Variants in HS3ST5 observed in about 807,000 individuals in gnomAD.
The protein encoded by HS3ST5 is heparan sulfate glucosamine 3-O-sulfotransferase 5.
A neutral mutation model predicts 25.4 loss-of-function variants in HS3ST5; 10 were observed. The ratio of observed to expected loss-of-function variants is 0.39; its 90% CI spans 0.24 to 0.67. The LOEUF is 0.67. HS3ST5 is among the 30% of genes least tolerant of loss of function. HS3ST5 has a pLI of 0.44. For synonymous variants in HS3ST5, 170 were observed against 162.4 expected (o/e 1.05, Z -0.36); for missense variants, 324 against 420.7 (o/e 0.77, Z 2.01).
chr6:114,096,987 A>G (rs1775462704), intron 3 of HS3ST5, among the ~76,000 whole-genome samples: 1 of 152,120 alleles, frequency 6.6e-6, no homozygotes, highest in Non-Finnish European at 1.5e-5. Flanking sequence ...CACCTGATAA[A>G]GAAAGGAATA....
intron 3 of HS3ST5, among the ~76,000 whole-genome samples, chr6:114,067,038 C>T (rs1297687790): frequency 2.0e-5 from 3 of 152,324 alleles, no homozygotes; most frequent in South Asian, 2.1e-4. Context: ...TCAGCCCCTG[C>T]ACTGTTCTCC....
At chr6:114,260,888 G>A (rs1237593582) in intron 1 of HS3ST5, among the ~76,000 whole-genome samples, 1 of 152,048 alleles carries the variant, frequency 6.6e-6, no homozygotes, top group Non-Finnish European at 1.5e-5. Context: ...ACATTAGGTA[G>A]GTCCTAAACT....
intron 1 of HS3ST5, among the ~76,000 whole-genome samples, chr6:114,336,001 G>T (rs1399483164): frequency 2.6e-5 from 4 of 152,078 alleles, no homozygotes; most frequent in Admixed American, 6.5e-5. Flanking sequence ...TTTAAATCTG[G>T]TATTACTTTA....
At chr6:114,084,040 T>C (rs1774622661) in intron 3 of HS3ST5, 1 of 565,206 alleles carries the variant, frequency 1.8e-6, no homozygotes, top group African/African-American at 1.9e-5. Flanking sequence ...TACAAACACT[T>C]GGTCTTTTTT....
intron 1 of HS3ST5, among the ~76,000 whole-genome samples, chr6:114,276,940 T>C (rs1418388444): frequency 6.6e-6 from 1 of 152,014 alleles, no homozygotes; most frequent in Non-Finnish European, 1.5e-5. Context: ...TGTTGGAAGA[T>C]ATTATGATCA....
chr6:114,119,591 T>C (rs1200240877), intron 3 of HS3ST5, among the ~76,000 whole-genome samples: 1 of 152,180 alleles, frequency 6.6e-6, no homozygotes, highest in Non-Finnish European at 1.5e-5. Flanking sequence ...GAGAAGCGAA[T>C]ATGAAAGATT....
rs1439705834 is a variant in HS3ST5 at position 114,261,628 on chromosome 6, TCTTA to T, written c.-338-32854_-338-32851del. Among the ~76,000 whole-genome samples the T allele has an allele frequency of 2.6e-5, 4 of 152,320 alleles. No homozygotes were observed. The East Asian group carries it at 7.7e-4, about 29-fold the overall frequency. ...CAAACACAGAGGAAATACACCCATG[TCTTA>T]CTTAACAATAAGCATTTTCCCCAAA... On this transcript the variant is annotated intron_variant, in intron 1 of 4. Coordinates refer to ENST00000312719, the MANE Select transcript of HS3ST5 (RefSeq NM_153612.4).
chr6:114,064,642 T>C (rs1415546964), intron 3 of HS3ST5, among the ~76,000 whole-genome samples: 1 of 152,176 alleles, frequency 6.6e-6, no homozygotes. Context: ...CTATGGAGAA[T>C]AGTGGCCAAT....
chr6:114,176,589 G>A (rs1029747893), intron 2 of HS3ST5, among the ~76,000 whole-genome samples: 1 of 152,128 alleles, frequency 6.6e-6, no homozygotes, highest in Non-Finnish European at 1.5e-5. Context: ...AGGTTTAGAT[G>A]TCATTCAACT....
chr6:114,107,880 G>C (rs998960621), intron 3 of HS3ST5, among the ~76,000 whole-genome samples: 2 of 152,098 alleles, frequency 1.3e-5, no homozygotes, highest in Non-Finnish European at 1.5e-5. Flanking sequence ...CTTGTTTATG[G>C]GTTAGAAAAC....
chr6:114,330,596 G>T (rs1264230448), intron 1 of HS3ST5, among the ~76,000 whole-genome samples: 1 of 152,106 alleles, frequency 6.6e-6, no homozygotes, highest in African/African-American at 2.4e-5. Context: ...CCTCACATGA[G>T]CATCCACAGG....
intron 1 of HS3ST5, among the ~76,000 whole-genome samples, chr6:114,250,324 G>C (rs543811154): frequency 2.0e-5 from 3 of 152,322 alleles, no homozygotes; most frequent in African/African-American, 7.2e-5. Context: ...GCTCAGGCCT[G>C]TAATCCCAGC....
intron 3 of HS3ST5, among the ~76,000 whole-genome samples, chr6:114,105,732 ACTG>A (rs1406638374): frequency 1.3e-5 from 2 of 152,156 alleles, no homozygotes; most frequent in African/African-American, 4.8e-5. Flanking sequence ...AAATTTATAA[ACTG>A]CTGTTTTCTG....
rs554108467 is a variant in HS3ST5 at position 114,117,759 on chromosome 6, C to T, written c.-33+50592G>A. Among the ~76,000 whole-genome samples the T allele has an allele frequency of 5.9e-5, 9 of 152,234 alleles. No individual in the cohort carries two copies. In the East Asian group the frequency reaches 7.7e-4, roughly 13 times the overall value. ...CAAGCAGGCCAGATATAATCCACAA[C>T]GTAGATTACTGACTTAGGCTAATTG... On this transcript the variant is annotated intron_variant, in intron 3 of 4. Coordinates refer to ENST00000312719, the MANE Select transcript of HS3ST5 (RefSeq NM_153612.4).
intron 2 of HS3ST5, among the ~76,000 whole-genome samples, chr6:114,223,105 G>A (rs1782118099): frequency 6.6e-6 from 1 of 150,902 alleles, no homozygotes; most frequent in South Asian, 2.1e-4. Flanking sequence ...TTTTTGCTGA[G>A]GTATATATAA....
At chr6:114,221,913 T>A (rs1470111117) in intron 2 of HS3ST5, among the ~76,000 whole-genome samples, 2 of 151,948 alleles carry the variant, frequency 1.3e-5, no homozygotes, top group African/African-American at 4.8e-5. Flanking sequence ...TTAAATTTAA[T>A]ATTCTTCATT....
chr6:114,337,621 C>A (rs1044975683), intron 1 of HS3ST5, among the ~76,000 whole-genome samples: 1 of 152,124 alleles, frequency 6.6e-6, no homozygotes, highest in Non-Finnish European at 1.5e-5. Flanking sequence ...GCTCAAGGAC[C>A]GCTGTGGTTC....
At chr6:114,272,786 C>A (rs1773689645) in intron 1 of HS3ST5, among the ~76,000 whole-genome samples, 2 of 152,052 alleles carry the variant, frequency 1.3e-5, no homozygotes, top group Non-Finnish European at 2.9e-5. Flanking sequence ...AGGAACAAGG[C>A]ATGCAGATAA....
chr6:114,242,975 G>A (rs191808781), intron 1 of HS3ST5, among the ~76,000 whole-genome samples: 53 of 152,334 alleles, frequency 3.5e-4, no homozygotes, highest in African/African-American at 1.3e-3. Context: ...AAAGGCTTGG[G>A]CAACGCTTGC....
Sources: gnomAD v4.1 joint callset for allele counts (sites outside exome capture counted in the v4.1 genomes callset) on GRCh38, gnomAD v4.1.1 for gene constraint, MANE v1.5 for transcripts, NCBI Gene and HGNC (gene_info 2026-07-23, HGNC 2026-07-21) for gene names.